Variants in COL6A2 observed in about 807,000 individuals in gnomAD.
The protein encoded by COL6A2 is collagen alpha-2(VI) chain.
Under a neutral mutation model 124.9 loss-of-function variants are expected in COL6A2, and 90 were observed. The ratio of observed to expected loss-of-function variants is 0.72; its 90% CI spans 0.61 to 0.86. The LOEUF (loss-of-function observed/expected upper bound fraction) is 0.86, where lower values mean the gene tolerates loss of function less well. Ranked by LOEUF, COL6A2 falls within the 40% of genes least tolerant of loss-of-function variation. The pLI is 0.00. For missense variants in COL6A2, 1,607 were observed against 1,502.5 expected (o/e 1.07, Z -1.15); for synonymous variants, 793 against 618.2 (o/e 1.28, Z -4.19).
chr21:46,130,374 C>T (rs1364795368), intron 27 of COL6A2, among the ~76,000 whole-genome samples: 1 of 152,194 alleles, frequency 6.6e-6, no homozygotes, highest in African/African-American at 2.4e-5. Flanking sequence ...AAGGGAGCGG[C>T]CCCCACGGCG....
chr21:46,117,331 TCTTGGTCGTTGGCACACATGGACCCCA>T, intron 10 of COL6A2, 42 bp from the exon 11 acceptor site: 1 of 1,497,018 alleles, frequency 6.7e-7, no homozygotes, highest in South Asian at 1.2e-5. Context: ...GTGGGCTGTG[TCTTGGTCGTTGGCACACATGGACCCCA>T]GAACCCCGCC....
At chr21:46,131,529 G>A (rs889041460) in intron 27 of COL6A2, among the ~76,000 whole-genome samples, 3 of 152,242 alleles carry the variant, frequency 2.0e-5, no homozygotes, top group African/African-American at 7.2e-5. Flanking sequence ...CAGCGATTGA[G>A]GGGTCAGGCT....
chr21:46,113,025 G>A, intron 4 of COL6A2: 3 of 678,002 alleles, frequency 4.4e-6, no homozygotes, highest in Non-Finnish European at 7.7e-6. Context: ...TCCCGTGAGG[G>A]TCAGCGTTAG....
At chr21:46,131,557 G>A (rs914322408) in intron 27 of COL6A2, among the ~76,000 whole-genome samples, 5 of 152,160 alleles carry the variant, frequency 3.3e-5, no homozygotes, top group African/African-American at 1.2e-4. Context: ...TCAGAGCCAG[G>A]GTCCTCCTTA....
rs1421208370 is a variant in COL6A2 at position 46,129,014 on chromosome 21, C to T, written c.2461+2473C>T. On this transcript the variant is annotated intron_variant, in intron 27 of 27. Transcript: ENST00000300527. Reference sequence around the variant, plus strand: ...CCTGCCAGCTTCCTGTCCCTGTGCTCACTGCCCCCACGCCTCCTGCCAAGG... The same window carrying T: ...CCTGCCAGCTTCCTGTCCCTGTGCTTACTGCCCCCACGCCTCCTGCCAAGG... 3.7e-6 allele frequency: 6 copies of T among 1,604,100 alleles called. No homozygotes were observed. In the African/African-American group the frequency reaches 4.0e-5, roughly 11 times the overall value.
intron 27 of COL6A2, chr21:46,129,707 C>A: frequency 7.1e-7 from 1 of 1,412,304 alleles, no homozygotes; most frequent in Non-Finnish European, 9.2e-7. Context: ...GTCTCTCCTC[C>A]GTCTTCCTGT....
intron 17 of COL6A2, 54 bp downstream of exon 17, chr21:46,121,177 C>T: frequency 1.9e-6 from 3 of 1,547,864 alleles, no homozygotes; most frequent in South Asian, 1.1e-5. Context: ...TGGGTCTCCC[C>T]TATCCATGTG....
intron 21 of COL6A2, among the ~76,000 whole-genome samples, chr21:46,123,595 T>C (rs956096527): frequency 1.7e-4 from 26 of 151,336 alleles, no homozygotes; most frequent in African/African-American, 5.6e-4. Flanking sequence ...AGTGGGTGGA[T>C]AGAAGATGGA....
Position 46,116,566 on chromosome 21 carries a change from C to T in COL6A2, c.928-85C>T, listed in dbSNP as rs1366298886. On this transcript the variant is annotated intron_variant, in intron 8 of 27. Coordinates refer to ENST00000300527, the MANE Select transcript of COL6A2 (RefSeq NM_001849.4). The surrounding 1 kb of genome is among the most constrained non-coding windows in gnomAD (Gnocchi z 4.6). ...GGGGGTCCTGTGGCCTTGAGTTTGG[C>T]CCAAGGGCTTTGCCCCCCAGAGGCA... 6.2e-7 allele frequency: 1 copy of T among 1,602,082 alleles called. No homozygotes were observed. The highest frequency in any genetic ancestry group is 8.5e-7 in the Non-Finnish European group (1 of 1,171,584).
intron 5 of COL6A2, 150 bp downstream of exon 5, chr21:46,114,223 G>A (rs990622964): frequency 3.4e-5 from 24 of 700,950 alleles, no homozygotes; most frequent in East Asian, 5.5e-5. Context: ...TCAGGAGATC[G>A]AGACCATCCT....
Position 46,132,810 on chromosome 21 carries a change from T to G in COL6A2, c.*258T>G. 1.8e-6 allele frequency: 1 copy of G among 570,178 alleles called. No individual in the cohort carries two copies. The highest frequency in any genetic ancestry group is 3.1e-6 in the Non-Finnish European group (1 of 317,560). The allele number at this position is 570,178 out of a possible 1,614,324, so 35.3% of individuals were successfully genotyped here. On this transcript the variant is annotated 3_prime_UTR_variant, in exon 28 of 28. Transcript: ENST00000300527. ...CTCCTGACCTACCTGGCCCCTGAGC[T>G]CTGGAGCAAGCCCTGACCCAATAAA...
intron 21 of COL6A2, 28 bp from the exon 22 acceptor site, chr21:46,124,623 A>C: frequency 6.2e-7 from 1 of 1,611,768 alleles, no homozygotes; most frequent in South Asian, 1.1e-5. Context: ...GGGGCCACTG[A>C]AGCCCACCTG....
rs151295731 is a variant in COL6A2, at chr21:46,132,294, C to T, written c.2802C>T (p.Gly934=). The change falls in exon 28 of 28, where the codon GGC becomes GGT. Residue 934 remains glycine, a synonymous_variant. Coordinates refer to ENST00000300527, the MANE Select transcript of COL6A2 (RefSeq NM_001849.4). ...ATGCCATCGTGCGCAGCCCGCGTGG[C>T]GGGGCCCGGAGGCACGCAGAGCTGT... ...AINAIVRSPR[G]GARRHAELSF... 3.7e-5 allele frequency: 60 copies of T among 1,605,970 alleles called. No individual in the cohort carries two copies. The highest frequency in any genetic ancestry group is 3.2e-4 in the Admixed American group (19 of 59,808).
At position 46,120,978 on chromosome 21, in the gene COL6A2, G is replaced by A. The variant is rs900847154; in HGVS notation, c.1396-83G>A. 5.3e-6 allele frequency: 7 copies of A among 1,332,440 alleles called. No homozygotes were observed. The Admixed American group carries it at 1.2e-4, about 23-fold the overall frequency. The allele number at this position is 1,332,440 out of a possible 1,614,324, so 82.5% of individuals were successfully genotyped here. A position where few individuals can be genotyped will look rare whatever the true frequency, so the allele number is the denominator to read the frequency against. On this transcript the variant is annotated intron_variant, in intron 16 of 27. Coordinates refer to ENST00000300527, the MANE Select transcript of COL6A2 (RefSeq NM_001849.4). Reference sequence around the variant, plus strand: ...AGACCCGTCTTACCCCCGAGGCCCTGCAGTGTCCACAGGATTGATACTGGG... The same window carrying A: ...AGACCCGTCTTACCCCCGAGGCCCTACAGTGTCCACAGGATTGATACTGGG...
At chr21:46,119,983 C>G (rs2078535038) in intron 15 of COL6A2, 133 bp downstream of exon 15, 7 of 838,340 alleles carry the variant, frequency 8.3e-6, no homozygotes. Context: ...TCACTCTCTG[C>G]AGAGTCTGGG....
chr21:46,119,589 C>T (rs2078528507), intron 14 of COL6A2, among the ~76,000 whole-genome samples, 199 bp from the exon 15 acceptor site: 1 of 152,236 alleles, frequency 6.6e-6, no homozygotes, highest in South Asian at 2.1e-4. Context: ...ACCGACGCAG[C>T]AGAGGGACGA....
In COL6A2 at chr21:46,117,458, G is replaced by T; in HGVS notation, c.1053+5G>T. 6 of 1,612,662 alleles carry T rather than the reference G, an allele frequency of 3.7e-6. No homozygotes were observed. The highest frequency in any genetic ancestry group is 1.1e-5 in the South Asian group (1 of 91,068). ...AAGGGAGACCCTGGAAACCGGGTAA[G>T]GGCCGTTTGCACCCCTCCTTCAGCC... is the stretch of plus-strand genomic sequence containing the variant. On this transcript the variant is annotated splice_donor_5th_base_variant and intron_variant, in intron 11 of 27. Coordinates refer to ENST00000300527, the MANE Select transcript of COL6A2 (RefSeq NM_001849.4).
intron 27 of COL6A2, chr21:46,128,764 TCA>T (rs1426001664): frequency 5.1e-6 from 4 of 786,488 alleles, no homozygotes; most frequent in African/African-American, 5.1e-5. Flanking sequence ...TGTAGAGGAC[TCA>T]CATCCCAGAG....
Position 46,123,959 on chromosome 21 carries a change from AGATGGGTATGTGAGTGAGTGGGGG to A in COL6A2, c.1672-683_1672-660del, listed in dbSNP as rs1230191397. 4.9e-3 allele frequency among the ~76,000 whole-genome samples: 685 copies of A among 139,844 alleles called. 6 individuals are homozygous for A. Among genetic ancestry groups the A allele is most frequent in the African/African-American group, 0.017 (618 of 37,124 alleles). The allele number at this position is 139,844 out of a possible 152,430, so 91.7% of individuals were successfully genotyped here. Reference sequence around the variant, plus strand: ...GTAGGTGATGGGTGGATGAGTGGATAGATGGGTATGTGAGTGAGTGGGGGGATGGGTAGGTGGGTGGATGGATGG... The same window carrying A: ...GTAGGTGATGGGTGGATGAGTGGATAGATGGGTAGGTGGGTGGATGGATGG... On this transcript the variant is annotated intron_variant, in intron 21 of 27. Transcript: ENST00000300527.
Sources: allele counts gnomAD v4.1 joint callset (sites outside exome capture counted in the v4.1 genomes callset), GRCh38; gene constraint gnomAD v4.1.1; non-coding constraint Gnocchi (gnomAD v3.1); transcripts MANE v1.5; gene names NCBI Gene and HGNC (gene_info 2026-07-23, HGNC 2026-07-21).